Variants in ATXN1L observed in about 807,000 individuals in gnomAD.
ATXN1L encodes ataxin-1-like.
Under a neutral mutation model 43.4 loss-of-function variants are expected in ATXN1L, and 8 were observed. The ratio of observed to expected loss-of-function variants is 0.18; its 90% CI spans 0.11 to 0.33. ATXN1L has a LOEUF of 0.33. Ranked by LOEUF, ATXN1L falls within the 10% of genes least tolerant of loss-of-function variation. ATXN1L has a pLI of 1.00. For synonymous variants in ATXN1L, 379 were observed against 360.6 expected (o/e 1.05, Z -0.58); for missense variants, 856 against 885.4 (o/e 0.97, Z 0.42).
At position 71,850,301 on chromosome 16, in the gene ATXN1L, T is replaced by TC; in HGVS notation, c.566dup (p.Gln190ThrfsTer10). On this transcript the variant is annotated frameshift_variant, in exon 3 of 3. Coordinates refer to ENST00000427980, the MANE Select transcript of ATXN1L (RefSeq NM_001137675.4). LOFTEE classifies it high-confidence loss of function. ...CACTTCTGGCTGAAGGAGCCACTCC[T>TC]CCCCCACAGGCTCCCTCCCCGGCCC... The TC allele has an allele frequency of 6.4e-7, 1 of 1,551,462 alleles. No homozygotes were observed. Among genetic ancestry groups the TC allele is most frequent in the East Asian group, 2.4e-5 (1 of 40,902 alleles).
chr16:71,850,797 G>T lies in ATXN1L; in HGVS notation c.1057G>T (p.Ala353Ser). 1 of 1,551,700 alleles carries T rather than the reference G, an allele frequency of 6.4e-7. No homozygotes were observed. Among genetic ancestry groups the T allele is most frequent in the Non-Finnish European group, 8.7e-7 (1 of 1,146,994 alleles). Residue 353 changes from alanine (A) to serine (S), a missense_variant, in exon 3 of 3, where the codon GCA becomes TCA. Ala to Ser is a moderately conservative substitution (Grantham distance 99). Around this residue, in one of 7 missense-constraint regions of ATXN1L, gnomAD observed 490 missense variants for 449.4 expected, o/e 1.09. Coordinates refer to ENST00000427980, the MANE Select transcript of ATXN1L (RefSeq NM_001137675.4). Reference sequence around the variant, plus strand: ...AGCTTCTCAGGACTATCGTGTGGTGGCAGCTCAGAGGAAGGAGGAACCCAG... The same window carrying T: ...AGCTTCTCAGGACTATCGTGTGGTGTCAGCTCAGAGGAAGGAGGAACCCAG... ...ALASQDYRVV[A>S]AQRKEEPSPL...
chr16:71,850,333 T>A lies in ATXN1L; in HGVS notation c.593T>A (p.Phe198Tyr). The change falls in exon 3 of 3, where the codon TTT becomes TAT. Residue 198 changes from phenylalanine (F) to tyrosine (Y), a missense_variant. Phe to Tyr is a conservative substitution (Grantham distance 22). This residue lies in a region of ATXN1L where 490 missense variants were observed against 449.4 expected (regional missense o/e 1.09). Coordinates refer to ENST00000427980, the MANE Select transcript of ATXN1L (RefSeq NM_001137675.4). ...CAGGCTCCCTCCCCGGCCCACTCAT[T>A]TAACAAAGCTCCCTCTGCCACCTCC... ...PPQAPSPAHS[F>Y]NKAPSATSPS... The A allele has an allele frequency of 6.4e-7, 1 of 1,551,622 alleles. No homozygotes were observed. The highest frequency in any genetic ancestry group is 8.7e-7 in the Non-Finnish European group (1 of 1,146,964).
Position 71,850,374 on chromosome 16 carries a change from C to T in ATXN1L, c.634C>T (p.Pro212Ser). ...PSATSPSGQL[P>S]HHSSTQPLDL... ...TGCCACCTCCCCATCTGGGCAATTG[C>T]CACATCATTCAAGTACTCAGCCGCT... The change falls in exon 3 of 3, where the codon CCA becomes TCA. Residue 212 changes from proline to serine, a missense_variant. Transcript: ENST00000427980. 3 of 1,551,692 alleles carry T rather than the reference C, an allele frequency of 1.9e-6. No individual in the cohort carries two copies. The highest frequency in any genetic ancestry group is 2.6e-6 in the Non-Finnish European group (3 of 1,146,998).
chr16:71,849,797 C>G lies in ATXN1L; in HGVS notation c.57C>G (p.Leu19=), dbSNP rs983324177. ...QECLPPKKRD[L]PVTSEDMGRT... ...GCCTTCCACCAAAGAAACGAGACCT[C>G]CCCGTGACCAGCGAGGATATGGGGA... Residue 19 remains leucine, a synonymous_variant, in exon 3 of 3, where the codon CTC becomes CTG. Transcript: ENST00000427980. The G allele has an allele frequency of 6.5e-7, 1 of 1,547,268 alleles. No homozygotes were observed. The highest frequency in any genetic ancestry group is 2.4e-5 in the East Asian group (1 of 40,848).
chr16:71,850,075 T>A lies in ATXN1L; in HGVS notation c.335T>A (p.Val112Glu). ...AGTCCCTTGCCCCCAACGTTTAATG[T>A]AGCGTCTTCACTAATTCAACATCCA... ...NMSPLPPTFN[V>E]ASSLIQHPGI... Residue 112 changes from valine (V) to glutamate (E), a missense_variant, in exon 3 of 3, where the codon GTA becomes GAA. Physicochemically the swap from Val to Glu is moderately radical, Grantham distance 121. Around this residue, in one of 7 missense-constraint regions of ATXN1L, gnomAD observed 490 missense variants for 449.4 expected, o/e 1.09. Coordinates refer to ENST00000427980, the MANE Select transcript of ATXN1L (RefSeq NM_001137675.4). The A allele has an allele frequency of 6.4e-7, 1 of 1,551,696 alleles. No individual in the cohort carries two copies.
rs2033437935 is a variant in ATXN1L at position 71,846,038 on chromosome 16, G to C, written c.-246G>C. The C allele has an allele frequency of 5.3e-6, 1 of 188,794 alleles. No homozygotes were observed. The highest frequency in any genetic ancestry group is 7.1e-5 in the South Asian group (1 of 14,014). 11.7% of individuals were successfully genotyped at this position (188,794 alleles called of 1,614,324 possible). On this transcript the variant is annotated 5_prime_UTR_variant, in exon 1 of 3. Coordinates refer to ENST00000427980, the MANE Select transcript of ATXN1L (RefSeq NM_001137675.4). ...GGGCGGCTCCGGGGCCGGGGATGGC[G>C]GCGGCCGCGGTTGCGGCGGCTCCGG...
chr16:71,850,527 C>G lies in ATXN1L; in HGVS notation c.787C>G (p.Leu263Val), dbSNP rs199599582. Reference protein sequence around the residue: ...VLTPQESQSALEAAAANGGQR... With the variant: ...VLTPQESQSAVEAAAANGGQR... ...TACCCCTCAGGAGAGCCAGTCTGCT[C>G]TGGAAGCAGCTGCTGCAAATGGAGG... Residue 263 changes from leucine to valine, a missense_variant, in exon 3 of 3, where the codon CTG becomes GTG. By Grantham distance (32) the Leu-to-Val change is conservative. Around this residue, in one of 7 missense-constraint regions of ATXN1L, gnomAD observed 490 missense variants for 449.4 expected, o/e 1.09. Coordinates refer to ENST00000427980, the MANE Select transcript of ATXN1L (RefSeq NM_001137675.4). 2.8e-4 allele frequency: 433 copies of G among 1,551,740 alleles called. No individual in the cohort carries two copies. Among genetic ancestry groups the G allele is most frequent in the Admixed American group, 4.5e-4 (23 of 51,012 alleles).
At chr16:71,849,040 C>G (rs934407962) in intron 2 of ATXN1L, among the ~76,000 whole-genome samples, 3 of 151,694 alleles carry the variant, frequency 2.0e-5, no homozygotes, top group Non-Finnish European at 4.4e-5. Context: ...CATGGTGAAA[C>G]CCCATCTCTA....
Position 71,855,326 on chromosome 16 carries a change from T to C in ATXN1L, c.*3516T>C, listed in dbSNP as rs1233974743. ...GAAACAAGCAGGTTTCTACTAGTGGTGTCTTCTGTTGTATTAACTTCTTTC... is the reference window on the plus strand; with the variant it reads ...GAAACAAGCAGGTTTCTACTAGTGGCGTCTTCTGTTGTATTAACTTCTTTC... On this transcript the variant is annotated 3_prime_UTR_variant, in exon 3 of 3. Transcript: ENST00000427980. 6.0e-6 allele frequency: 1 copy of C among 167,100 alleles called. No homozygotes were observed. Among genetic ancestry groups the C allele is most frequent in the Admixed American group, 6.5e-5 (1 of 15,286 alleles). The allele number at this position is 167,100 out of a possible 1,614,324, so 10.4% of individuals were successfully genotyped here.
Position 71,851,903 on chromosome 16 carries a change from T to C in ATXN1L, c.*93T>C. On this transcript the variant is annotated 3_prime_UTR_variant, in exon 3 of 3. Coordinates refer to ENST00000427980, the MANE Select transcript of ATXN1L (RefSeq NM_001137675.4). This position sits in a 1 kb window ranked among gnomAD's most constrained non-coding sequence, Gnocchi z 4.9. ...GGATTTGCACACGCCGAGCAGGGAA[T>C]GGCTTTCTTGGCAGTGAGATTTGGG... 1 of 1,301,804 alleles carries C rather than the reference T, an allele frequency of 7.7e-7. No homozygotes were observed. 80.6% of individuals were successfully genotyped at this position (1,301,804 alleles called of 1,614,324 possible). A position where few individuals can be genotyped will look rare whatever the true frequency, so the allele number is the denominator to read the frequency against.
In ATXN1L at chr16:71,855,990, T is replaced by C. The variant is rs1204853050; in HGVS notation, c.*4180T>C. The C allele has an allele frequency of 1.2e-5, 2 of 167,098 alleles. No individual in the cohort carries two copies. The highest frequency in any genetic ancestry group is 2.4e-5 in the African/African-American group (1 of 41,452). The allele number at this position is 167,098 out of a possible 1,614,324, so 10.4% of individuals were successfully genotyped here. ...ATAATAAAATAAGCATCTGGGTCTT[T>C]GCAGCTGTCAGTTGCTCTTTCAACT... On this transcript the variant is annotated 3_prime_UTR_variant, in exon 3 of 3. Transcript: ENST00000427980.
rs1290397872 is a variant in ATXN1L, at chr16:71,856,100, C to T, written c.*4290C>T. 6.0e-6 allele frequency: 1 copy of T among 167,136 alleles called. No individual in the cohort carries two copies. The highest frequency in any genetic ancestry group is 6.5e-5 in the Admixed American group (1 of 15,284). The allele number at this position is 167,136 out of a possible 1,614,324, so 10.4% of individuals were successfully genotyped here. A position where few individuals can be genotyped will look rare whatever the true frequency, so the allele number is the denominator to read the frequency against. On this transcript the variant is annotated 3_prime_UTR_variant, in exon 3 of 3. Coordinates refer to ENST00000427980, the MANE Select transcript of ATXN1L (RefSeq NM_001137675.4). Reference sequence around the variant, plus strand: ...GATGCTAGAGTCGACTGCACTCTCTCCTTAGCTGCAGACCATGCACAGTGC... The same window carrying T: ...GATGCTAGAGTCGACTGCACTCTCTTCTTAGCTGCAGACCATGCACAGTGC...
At position 71,850,422 on chromosome 16, in the gene ATXN1L, C is replaced by T; in HGVS notation, c.682C>T (p.Pro228Ser). 1 of 1,551,690 alleles carries T rather than the reference C, an allele frequency of 6.4e-7. No homozygotes were observed. The highest frequency in any genetic ancestry group is 8.7e-7 in the Non-Finnish European group (1 of 1,146,998). Residue 228 changes from proline (P) to serine (S), a missense_variant, in exon 3 of 3, where the codon CCC becomes TCC. Around this residue, in one of 7 missense-constraint regions of ATXN1L, gnomAD observed 490 missense variants for 449.4 expected, o/e 1.09. Coordinates refer to ENST00000427980, the MANE Select transcript of ATXN1L (RefSeq NM_001137675.4). Reference sequence around the variant, plus strand: ...GCTGGACCTTGCTCCAGGTCGGATGCCCATTTATTATCAGATGTCCAGGCT... The same window carrying T: ...GCTGGACCTTGCTCCAGGTCGGATGTCCATTTATTATCAGATGTCCAGGCT... ...QPLDLAPGRM[P>S]IYYQMSRLPA...
chr16:71,850,614 A>G lies in ATXN1L; in HGVS notation c.874A>G (p.Ser292Gly). The change falls in exon 3 of 3, where the codon AGC becomes GGC. Residue 292 changes from serine (S) to glycine (G), a missense_variant. Transcript: ENST00000427980. Reference sequence around the variant, plus strand: ...AAGTGAAGCCCTTGACTCCCCCAACAGCAAGGGTGAAGGCCAGGGACTGGT... The same window carrying G: ...AAGTGAAGCCCTTGACTCCCCCAACGGCAAGGGTGAAGGCCAGGGACTGGT... ...RESEALDSPN[S>G]KGEGQGLVPV... is the part of the protein sequence containing the mutation. 1 of 1,551,726 alleles carries G rather than the reference A, an allele frequency of 6.4e-7. No homozygotes were observed. The highest frequency in any genetic ancestry group is 8.7e-7 in the Non-Finnish European group (1 of 1,146,994).
chr16:71,853,536 A>G lies in ATXN1L; in HGVS notation c.*1726A>G, dbSNP rs143307443. 4,774 of 167,174 alleles carry G rather than the reference A, an allele frequency of 0.029. 80 individuals are homozygous for G. The highest frequency in any genetic ancestry group is 0.071 in the Middle Eastern group (21 of 296). The allele number at this position is 167,174 out of a possible 1,614,324, so 10.4% of individuals were successfully genotyped here. On this transcript the variant is annotated 3_prime_UTR_variant, in exon 3 of 3. Coordinates refer to ENST00000427980, the MANE Select transcript of ATXN1L (RefSeq NM_001137675.4). The stretch of plus-strand genomic sequence containing the variant: ...GACCTGGCCTGGCATCAGGAGTCCA[A>G]ACCTCTGAGGTCTGATCTCTGCTCT...
chr16:71,851,415 C>T lies in ATXN1L; in HGVS notation c.1675C>T (p.Arg559Trp), dbSNP rs1050105146. 12 of 1,551,376 alleles carry T rather than the reference C, an allele frequency of 7.7e-6. No individual in the cohort carries two copies. Among genetic ancestry groups the T allele is most frequent in the East Asian group, 2.4e-5 (1 of 40,926 alleles). The change falls in exon 3 of 3, where the codon CGG (arginine) becomes TGG (tryptophan). Residue 559 changes from arginine to tryptophan, a missense_variant. Transcript: ENST00000427980. The surrounding 1 kb of genome is among the most constrained non-coding windows in gnomAD (Gnocchi z 4.9). ...GQGWSSCSPG[R>W]TTQLFSLPCH... ...GGGTTGGTCCTCTTGCAGCCCTGGG[C>T]GGACGACACAACTCTTCTCTCTGCC...
intron 2 of ATXN1L, 53 bp downstream of exon 2, chr16:71,848,124 A>C: frequency 2.2e-6 from 1 of 454,122 alleles, no homozygotes; most frequent in Non-Finnish European, 4.4e-6. Flanking sequence ...GGGATGTCAC[A>C]GTGGAAAAAC....
In ATXN1L at chr16:71,849,691, C is replaced by G. The variant is rs778674246; in HGVS notation, c.-50C>G. ...CTACAGAGAAGCCCCTTCTGATGCCCCAGGGAGCAAGTCGACTCCTTCCAG... is the reference window on the plus strand; with the variant it reads ...CTACAGAGAAGCCCCTTCTGATGCCGCAGGGAGCAAGTCGACTCCTTCCAG... On this transcript the variant is annotated 5_prime_UTR_variant, in exon 3 of 3. Coordinates refer to ENST00000427980, the MANE Select transcript of ATXN1L (RefSeq NM_001137675.4). 4.1e-6 allele frequency: 6 copies of G among 1,456,550 alleles called. No homozygotes were observed. In the South Asian group the frequency reaches 9.0e-5, roughly 22 times the overall value. The allele number at this position is 1,456,550 out of a possible 1,614,324, so 90.2% of individuals were successfully genotyped here.
In ATXN1L at chr16:71,850,452, G is replaced by A; in HGVS notation, c.712G>A (p.Ala238Thr). 1 of 1,551,746 alleles carries A rather than the reference G, an allele frequency of 6.4e-7. No individual in the cohort carries two copies. The highest frequency in any genetic ancestry group is 8.7e-7 in the Non-Finnish European group (1 of 1,147,004). ...TTATTATCAGATGTCCAGGCTACCT[G>A]CTGGGTATACTTTGCATGAAACCCC... ...PIYYQMSRLP[A>T]GYTLHETPPA... Residue 238 changes from alanine to threonine, a missense_variant, in exon 3 of 3, where the codon GCT becomes ACT. By Grantham distance (58) the Ala-to-Thr change is moderately conservative. Transcript: ENST00000427980.
Sources: gnomAD v4.1 joint callset for allele counts (sites outside exome capture counted in the v4.1 genomes callset) on GRCh38, gnomAD v4.1.1 for gene constraint, gnomAD v4.1.1 regional missense constraint, Gnocchi (gnomAD v3.1) non-coding constraint, MANE v1.5 for transcripts, NCBI Gene and HGNC (gene_info 2026-07-23, HGNC 2026-07-21) for gene names.